CTNNA3: variants seen among roughly 807,000 people sequenced by gnomAD.
The protein encoded by CTNNA3 is catenin alpha-3.
CTNNA3 carries 76 observed loss-of-function variants against 95.7 expected under a neutral mutation model. The observed-to-expected ratio is 0.79, with a 90% CI of 0.66 to 0.96. The LOEUF (loss-of-function observed/expected upper bound fraction) is 0.96. Ranked by LOEUF, CTNNA3 falls within the 40% of genes least tolerant of loss-of-function variation. The pLI is 0.00. For missense variants in CTNNA3, 1,191 were observed against 1,089.8 expected, an observed-to-expected ratio of 1.09 and a Z score of -1.31; for synonymous variants, 431 against 374.4, an observed-to-expected ratio of 1.15 and a Z score of -1.74.
At chr10:66,360,635 C>CT (rs1172595976) in intron 12 of CTNNA3, among the ~76,000 whole-genome samples, 2,125 of 55,364 alleles carry the variant, frequency 0.038, 84 homozygotes, top group East Asian at 0.21. Flanking sequence ...TTCTTTCTTT[C>CT]TTTCTTTCTT....
intron 5 of CTNNA3, among the ~76,000 whole-genome samples, chr10:67,390,330 ATACACT>A (rs1844409116): frequency 6.6e-6 from 1 of 152,224 alleles, no homozygotes; most frequent in Non-Finnish European, 1.5e-5. Context: ...TCCTCGACAC[ATACACT>A]CTCCCAAGAC....
At chr10:66,296,241 T>C (rs1020253923) in intron 12 of CTNNA3, among the ~76,000 whole-genome samples, 24 of 152,186 alleles carry the variant, frequency 1.6e-4, no homozygotes, top group African/African-American at 5.1e-4. Flanking sequence ...GTAGATGAAA[T>C]TGCCCTGTCA....
At chr10:66,994,709 G>A (rs1423587727) in intron 7 of CTNNA3, among the ~76,000 whole-genome samples, 2 of 152,088 alleles carry the variant, frequency 1.3e-5, no homozygotes, top group Non-Finnish European at 2.9e-5. Context: ...ATTAAGATAA[G>A]GAATAGCTTG....
chr10:67,304,657 C>T (rs1346342972), intron 5 of CTNNA3, among the ~76,000 whole-genome samples: 4 of 151,968 alleles, frequency 2.6e-5, no homozygotes, highest in African/African-American at 9.7e-5. Context: ...ATCAGCTAAC[C>T]AATCTCACCC....
chr10:66,433,760 G>A (rs79616652), intron 11 of CTNNA3, among the ~76,000 whole-genome samples: 40,283 of 152,070 alleles, frequency 0.26, 5,490 homozygotes, highest in South Asian at 0.39. Flanking sequence ...TTCTTCTAGG[G>A]CTTTTATGGT....
intron 15 of CTNNA3, among the ~76,000 whole-genome samples, chr10:66,052,918 GGAGA>G (rs1430734186): frequency 6.6e-6 from 1 of 151,930 alleles, no homozygotes; most frequent in East Asian, 1.9e-4. Context: ...AATTTTTTTT[GGAGA>G]GAGACAGAAG....
intron 17 of CTNNA3, among the ~76,000 whole-genome samples, chr10:65,940,099 C>T (rs1360566315): frequency 6.6e-6 from 1 of 152,082 alleles, no homozygotes; most frequent in Non-Finnish European, 1.5e-5. Context: ...TTTTCTAGAA[C>T]CCAATATTTA....
chr10:66,097,417 C>G (rs574582240), intron 14 of CTNNA3, among the ~76,000 whole-genome samples: 1 of 152,188 alleles, frequency 6.6e-6, no homozygotes, highest in South Asian at 2.1e-4. Flanking sequence ...AGAAACCAAA[C>G]AAGAATTTTC....
chr10:66,040,160 C>T (rs2133489495), intron 15 of CTNNA3, among the ~76,000 whole-genome samples: 1 of 152,128 alleles, frequency 6.6e-6, no homozygotes, highest in African/African-American at 2.4e-5. Flanking sequence ...AAATGAAAAT[C>T]AAAACCCCAA....
chr10:66,954,493 G>T (rs1198049345), intron 7 of CTNNA3, among the ~76,000 whole-genome samples: 1 of 152,104 alleles, frequency 6.6e-6, no homozygotes, highest in Non-Finnish European at 1.5e-5. Flanking sequence ...ACACGGTCCC[G>T]CAATGGATTA....
At chr10:66,962,159 C>A (rs1364351881) in intron 7 of CTNNA3, among the ~76,000 whole-genome samples, 1 of 152,060 alleles carries the variant, frequency 6.6e-6, no homozygotes, top group Non-Finnish European at 1.5e-5. Context: ...TGTTCAAAAC[C>A]CTCTAGTGAC....
At chr10:67,191,809 A>G (rs1172472555) in intron 6 of CTNNA3, among the ~76,000 whole-genome samples, 1 of 152,078 alleles carries the variant, frequency 6.6e-6, no homozygotes, top group Non-Finnish European at 1.5e-5. Flanking sequence ...TTAAGAACAA[A>G]ACTGGAGGGA....
chr10:66,022,504 T>A (rs542541807), intron 15 of CTNNA3, among the ~76,000 whole-genome samples: 2 of 152,090 alleles, frequency 1.3e-5, no homozygotes, highest in South Asian at 4.1e-4. Context: ...AAATTACATG[T>A]CAAATCTACT....
intron 13 of CTNNA3, among the ~76,000 whole-genome samples, chr10:66,132,693 A>C (rs973427125): frequency 1.3e-5 from 2 of 152,258 alleles, no homozygotes; most frequent in African/African-American, 4.8e-5. Context: ...TGCAGTACAT[A>C]TACACCATGG....
intron 5 of CTNNA3, among the ~76,000 whole-genome samples, chr10:67,401,534 G>A (rs1310845881): frequency 1.3e-5 from 2 of 152,154 alleles, no homozygotes; most frequent in East Asian, 1.9e-4. Flanking sequence ...ACCTGGGGAA[G>A]GGGATTGGTC....
chr10:66,280,568 T>G lies in CTNNA3; in HGVS notation c.1786A>C (p.Ser596Arg). Residue 596 changes from serine to arginine, a missense_variant, in exon 13 of 18, where the codon AGC (serine) becomes CGC (arginine). Physicochemically the swap from Ser to Arg is moderately radical, Grantham distance 110. Transcript: ENST00000433211. Reference sequence around the variant, plus strand: ...TTATCATCCAACACATTCAATGAGCTTTTGCTTAAGGCTTCCAAGGCAACA... The same window carrying G: ...TTATCATCCAACACATTCAATGAGCGTTTGCTTAAGGCTTCCAAGGCAACA... Reference protein sequence around the residue: ...VNVALEALSKSSLNVLDDNQF... With the variant: ...VNVALEALSKRSLNVLDDNQF... The G allele has an allele frequency of 6.2e-7, 1 of 1,609,494 alleles. No homozygotes were observed. The highest frequency in any genetic ancestry group is 8.5e-7 in the Non-Finnish European group (1 of 1,177,798).
chr10:66,202,435 T>A (rs963249261), intron 13 of CTNNA3, among the ~76,000 whole-genome samples: 36 of 152,314 alleles, frequency 2.4e-4, no homozygotes, highest in Non-Finnish European at 3.5e-4. Flanking sequence ...AAACTTCCAA[T>A]TTCTGTGTTT....
At chr10:66,757,592 A>G (rs1040603233) in intron 9 of CTNNA3, among the ~76,000 whole-genome samples, 23 of 152,286 alleles carry the variant, frequency 1.5e-4, no homozygotes, top group Admixed American at 5.9e-4. Context: ...TGGGCTTCCC[A>G]GCTCTCTGCT....
chr10:66,952,913 G>C (rs949135964), intron 7 of CTNNA3, among the ~76,000 whole-genome samples: 4 of 152,008 alleles, frequency 2.6e-5, no homozygotes, highest in Admixed American at 2.0e-4. Context: ...CAGCACAGTA[G>C]TGTTACAGCC....
Sources: allele counts gnomAD v4.1 joint callset (sites outside exome capture counted in the v4.1 genomes callset), GRCh38; gene constraint gnomAD v4.1.1; transcripts MANE v1.5; gene names NCBI Gene and HGNC (gene_info 2026-07-23, HGNC 2026-07-21).